Variants in SPATA17 observed in about 807,000 individuals in gnomAD.
SPATA17 encodes spermatogenesis associated 17.
SPATA17 carries 53 observed loss-of-function variants against 62.2 expected under a neutral mutation model. The observed-to-expected ratio is 0.85, with a 90% CI of 0.68 to 1.07. The LOEUF is 1.07. Ranked by LOEUF, SPATA17 falls within the 50% of genes least tolerant of loss-of-function variation. The pLI, the probability that SPATA17 is intolerant of heterozygous loss-of-function variation, is 0.00. For synonymous variants in SPATA17, 146 were observed against 146.8 expected, an observed-to-expected ratio of 0.99 and a Z score of 0.04; for missense variants, 466 against 425.5, an observed-to-expected ratio of 1.10 and a Z score of -0.84.
intron 5 of SPATA17, among the ~76,000 whole-genome samples, chr1:217,712,560 C>T (rs1445932538): frequency 6.6e-6 from 1 of 152,038 alleles, no homozygotes; most frequent in Non-Finnish European, 1.5e-5. Context: ...TTTTCTGCCC[C>T]CTCCTCCAGC....
At chr1:217,655,532 G>T (rs1412517803) in intron 3 of SPATA17, among the ~76,000 whole-genome samples, 2 of 152,026 alleles carry the variant, frequency 1.3e-5, no homozygotes, top group African/African-American at 4.8e-5. Context: ...TGTATGCTAG[G>T]TTTAGCATCC....
chr1:217,826,443 A>G (rs1675004151), intron 9 of SPATA17, among the ~76,000 whole-genome samples: 1 of 152,096 alleles, frequency 6.6e-6, no homozygotes, highest in African/African-American at 2.4e-5. Context: ...AACATTTTTA[A>G]TAGGTCTAAT....
At chr1:217,722,033 C>T (rs1672138452) in intron 5 of SPATA17, among the ~76,000 whole-genome samples, 2 of 152,174 alleles carry the variant, frequency 1.3e-5, no homozygotes, top group Admixed American at 1.3e-4. Context: ...GATTGTCACC[C>T]TTTTTACTTT....
At chr1:217,717,540 G>A (rs1672033202) in intron 5 of SPATA17, among the ~76,000 whole-genome samples, 2 of 152,134 alleles carry the variant, frequency 1.3e-5, no homozygotes, top group South Asian at 4.1e-4. Flanking sequence ...GAACCCAGGA[G>A]GCAGAGGTTG....
intron 1 of SPATA17, 21 bp from the exon 2 acceptor site, chr1:217,648,861 T>C: frequency 6.5e-7 from 1 of 1,539,260 alleles, no homozygotes; most frequent in Non-Finnish European, 8.9e-7. Flanking sequence ...AATGAAGTGC[T>C]TTTTAAACAT....
In SPATA17 at chr1:217,774,417, C is replaced by T; in HGVS notation, c.603C>T (p.His201=). The change falls in exon 7 of 11, where the codon CAC becomes CAT. Residue 201 remains histidine, a synonymous_variant. Coordinates refer to ENST00000366933, the MANE Select transcript of SPATA17 (RefSeq NM_138796.4). ...TACAGAAGGCAAAGCCTTTAACACACCGAAGACCTAAAGTTAAGCAGAAGG... is the reference window on the plus strand; with the variant it reads ...TACAGAAGGCAAAGCCTTTAACACATCGAAGACCTAAAGTTAAGCAGAAGG... ...LQLQKAKPLT[H]RRPKVKQKDS... 3 of 1,614,062 alleles carry T rather than the reference C, an allele frequency of 1.9e-6. No individual in the cohort carries two copies. The highest frequency in any genetic ancestry group is 2.5e-6 in the Non-Finnish European group (3 of 1,179,960).
chr1:217,673,392 G>T (rs1394006205), intron 4 of SPATA17, among the ~76,000 whole-genome samples: 1 of 151,992 alleles, frequency 6.6e-6, no homozygotes, highest in Non-Finnish European at 1.5e-5. Flanking sequence ...TTTTATCTTA[G>T]CTCCTGGGGC....
chr1:217,739,986 G>A (rs1039883485), intron 5 of SPATA17, among the ~76,000 whole-genome samples: 1 of 151,754 alleles, frequency 6.6e-6, no homozygotes. Flanking sequence ...TTATCTCGCA[G>A]TTTTTGTTCA....
At chr1:217,852,192 A>T (rs1456682688) in intron 9 of SPATA17, among the ~76,000 whole-genome samples, 1 of 152,188 alleles carries the variant, frequency 6.6e-6, no homozygotes, top group African/African-American at 2.4e-5. Context: ...ATCTTTAAAA[A>T]AATTGCCAGC....
chr1:217,856,462 T>C (rs966757967), intron 9 of SPATA17, among the ~76,000 whole-genome samples: 3 of 152,220 alleles, frequency 2.0e-5, no homozygotes, highest in Admixed American at 6.5e-5. Context: ...GTATTGCCTC[T>C]GAGCAGAAGT....
intron 3 of SPATA17, among the ~76,000 whole-genome samples, chr1:217,651,627 T>G (rs775296865): frequency 5.3e-5 from 8 of 152,202 alleles, no homozygotes; most frequent in Non-Finnish European, 8.8e-5. Flanking sequence ...TGTCTTCTCT[T>G]CAGGACTTTC....
intron 1 of SPATA17, among the ~76,000 whole-genome samples, chr1:217,633,440 G>T (rs937770259): frequency 6.6e-6 from 1 of 151,720 alleles, no homozygotes; most frequent in Admixed American, 6.6e-5. Context: ...AAAGCCTGAT[G>T]AAGTGCCAAA....
intron 5 of SPATA17, among the ~76,000 whole-genome samples, chr1:217,737,623 A>G (rs1331947217): frequency 1.3e-5 from 2 of 152,100 alleles, no homozygotes. Context: ...GGGCAGGATA[A>G]CAAAACCTAC....
Position 217,651,179 on chromosome 1 carries a change from G to C in SPATA17, c.240+1G>C. The C allele has an allele frequency of 6.3e-7, 1 of 1,595,246 alleles. No homozygotes were observed. Among genetic ancestry groups the C allele is most frequent in the Non-Finnish European group, 8.5e-7 (1 of 1,170,256 alleles). ...AAAGCAATATCAACTAACTGTGCAG[G>C]TAAATATAAAATGTACATATGTTAG... On this transcript the variant is annotated splice_donor_variant, in intron 3 of 10. Transcript: ENST00000366933. LOFTEE classifies it high-confidence loss of function.
intron 9 of SPATA17, among the ~76,000 whole-genome samples, chr1:217,830,678 C>A (rs1675120423): frequency 6.6e-6 from 1 of 152,076 alleles, no homozygotes; most frequent in Middle Eastern, 3.2e-3. Context: ...AGCCATACTT[C>A]CAGGCCATAC....
intron 6 of SPATA17, among the ~76,000 whole-genome samples, chr1:217,770,318 C>T (rs968659509): frequency 3.3e-5 from 5 of 152,040 alleles, no homozygotes; most frequent in African/African-American, 9.7e-5. Flanking sequence ...TTTTTTGCTG[C>T]GTAATTGTCA....
chr1:217,650,983 C>T (rs1353530702), intron 2 of SPATA17, 114 bp from the exon 3 acceptor site: 6 of 744,368 alleles, frequency 8.1e-6, no homozygotes, highest in Non-Finnish European at 1.4e-5. Context: ...TAAAAGTGCA[C>T]ATAAACTTGG....
At chr1:217,682,727 GCACATA>G (rs1047076507) in intron 4 of SPATA17, among the ~76,000 whole-genome samples, 4 of 152,004 alleles carry the variant, frequency 2.6e-5, no homozygotes, top group African/African-American at 7.2e-5. Flanking sequence ...ATAGTGCCTG[GCACATA>G]AGAACTCAAT....
At chr1:217,821,312 A>G (rs2102997023) in intron 9 of SPATA17, among the ~76,000 whole-genome samples, 1 of 152,232 alleles carries the variant, frequency 6.6e-6, no homozygotes. Flanking sequence ...GAATGCCAAT[A>G]TCTAATGGCC....
Sources: gnomAD v4.1 joint callset for allele counts (sites outside exome capture counted in the v4.1 genomes callset) on GRCh38, gnomAD v4.1.1 for gene constraint, MANE v1.5 for transcripts, NCBI Gene and HGNC (gene_info 2026-07-23, HGNC 2026-07-21) for gene names.